The following CACNA2D3 variants were observed in gnomAD, a reference collection of about 807,000 sequenced individuals.
CACNA2D3 encodes the protein calcium voltage-gated channel auxiliary subunit alpha2delta 3, also known as voltage-dependent calcium channel subunit alpha-2/delta-3.
A neutral mutation model predicts 160.6 loss-of-function variants in CACNA2D3; 60 were observed. The ratio of observed to expected loss-of-function variants is 0.37; its 90% confidence interval spans 0.30 to 0.46. The LOEUF is 0.46. Ranked by LOEUF, CACNA2D3 falls within the 20% of genes least tolerant of loss-of-function variation. CACNA2D3 has a pLI of 1.00. For missense variants in CACNA2D3, 1,205 were observed against 1,365.0 expected, an observed-to-expected ratio of 0.88 and a Z score of 1.85; for synonymous variants, 558 against 492.9, an observed-to-expected ratio of 1.13 and a Z score of -1.75.
intron 11 of CACNA2D3, among the ~76,000 whole-genome samples, chr3:54,659,519 G>T (rs988496719): frequency 6.6e-6 from 1 of 152,180 alleles, no homozygotes; most frequent in Non-Finnish European, 1.5e-5. Context: ...ATCTCTGGGG[G>T]TAGACAGAGA....
chr3:55,056,247 A>G, intron 35 of CACNA2D3, among the ~76,000 whole-genome samples: 1 of 152,208 alleles, frequency 6.6e-6, no homozygotes, highest in East Asian at 1.9e-4. Context: ...AATTAAAATG[A>G]CAATGAGATA....
chr3:54,177,412 G>A (rs2107318846), intron 2 of CACNA2D3, among the ~76,000 whole-genome samples: 1 of 152,296 alleles, frequency 6.6e-6, no homozygotes, highest in South Asian at 2.1e-4. Context: ...GAAATGGTAG[G>A]TAGAACAGTC....
intron 16 of CACNA2D3, among the ~76,000 whole-genome samples, chr3:54,841,751 C>G (rs1575506159): frequency 1.3e-5 from 2 of 152,208 alleles, no homozygotes; most frequent in Non-Finnish European, 2.9e-5. Context: ...CAATAATTTC[C>G]AGACACCACG....
intron 5 of CACNA2D3, among the ~76,000 whole-genome samples, chr3:54,542,258 T>C (rs578006668): frequency 9.1e-4 from 138 of 152,160 alleles, no homozygotes; most frequent in Non-Finnish European, 1.5e-3. Flanking sequence ...GATGGGGTTT[T>C]ACCATGTTGG....
intron 27 of CACNA2D3, among the ~76,000 whole-genome samples, chr3:54,900,257 A>G (rs1447032597): frequency 6.6e-6 from 1 of 152,188 alleles, no homozygotes; most frequent in Non-Finnish European, 1.5e-5. Flanking sequence ...GCAAACACAA[A>G]CTGAAATGTG....
chr3:54,230,461 G>A (rs188054861), intron 2 of CACNA2D3, among the ~76,000 whole-genome samples: 1 of 152,230 alleles, frequency 6.6e-6, no homozygotes, highest in African/African-American at 2.4e-5. Context: ...TTCTGAAAAG[G>A]CATAATAATT....
At chr3:54,606,431 A>T (rs1698626780) in intron 9 of CACNA2D3, among the ~76,000 whole-genome samples, 1 of 152,034 alleles carries the variant, frequency 6.6e-6, no homozygotes, top group Non-Finnish European at 1.5e-5. Flanking sequence ...ATGGTGGCTC[A>T]CCCCAGGGTG....
At chr3:54,514,324 A>G (rs1701508959) in intron 5 of CACNA2D3, among the ~76,000 whole-genome samples, 1 of 152,188 alleles carries the variant, frequency 6.6e-6, no homozygotes, top group Non-Finnish European at 1.5e-5. Context: ...TCAGAATGCA[A>G]AAAGGCTCTT....
chr3:54,304,596 G>A (rs72986095), intron 2 of CACNA2D3, among the ~76,000 whole-genome samples: 5,706 of 152,152 alleles, frequency 0.038, 373 homozygotes, highest in African/African-American at 0.13. Flanking sequence ...CCTTCTATTT[G>A]ATTACATCTA....
chr3:54,317,122 C>T (rs1228051495), intron 2 of CACNA2D3, among the ~76,000 whole-genome samples: 3 of 152,278 alleles, frequency 2.0e-5, no homozygotes, highest in South Asian at 4.1e-4. Context: ...GCACATCTGG[C>T]AGGCAGCAAA....
chr3:54,840,311 C>T (rs116006352), intron 16 of CACNA2D3, among the ~76,000 whole-genome samples: 2,949 of 151,716 alleles, frequency 0.019, 36 homozygotes, highest in Middle Eastern at 0.048. Flanking sequence ...GTAAACATTA[C>T]GGTCACCCCC....
At chr3:54,871,805 C>T (rs1355379048) in intron 18 of CACNA2D3, among the ~76,000 whole-genome samples, 183 bp downstream of exon 18, 2 of 152,152 alleles carry the variant, frequency 1.3e-5, no homozygotes, top group African/African-American at 2.4e-5. Context: ...GCCGGTCAGT[C>T]GGACCAGTTG....
chr3:54,249,661 GTA>G (rs1491212076), intron 2 of CACNA2D3, among the ~76,000 whole-genome samples: 1 of 79,974 alleles, frequency 1.3e-5, no homozygotes, highest in African/African-American at 7.9e-5. Flanking sequence ...CTCTGTTTAC[GTA>G]CACACACACA....
At chr3:54,661,837 GATGTGTGT>G (rs568603141) in intron 11 of CACNA2D3, among the ~76,000 whole-genome samples, 1,544 of 34,768 alleles carry the variant, frequency 0.044, 48 homozygotes, top group African/African-American at 0.11. Flanking sequence ...ACATCTCAGG[GATGTGTGT>G]ATGTGTGTGT....
intron 3 of CACNA2D3, among the ~76,000 whole-genome samples, chr3:54,347,721 C>T (rs1296197427): frequency 6.6e-6 from 1 of 151,868 alleles, no homozygotes; most frequent in African/African-American, 2.4e-5. Context: ...GGTCCAATTG[C>T]CAGGGACCCC....
intron 2 of CACNA2D3, among the ~76,000 whole-genome samples, chr3:54,216,571 C>T (rs1279545237): frequency 2.0e-5 from 3 of 152,192 alleles, no homozygotes; most frequent in African/African-American, 7.2e-5. Context: ...ACATTTTAAA[C>T]TAATTAGATG....
chr3:54,954,149 G>C (rs980003307), intron 27 of CACNA2D3, among the ~76,000 whole-genome samples: 2 of 152,172 alleles, frequency 1.3e-5, no homozygotes, highest in African/African-American at 4.8e-5. Context: ...TCATCATGCA[G>C]GCATTTCCTG....
chr3:54,734,980 G>A (rs1367980009), intron 11 of CACNA2D3, among the ~76,000 whole-genome samples: 1 of 152,224 alleles, frequency 6.6e-6, no homozygotes, highest in Non-Finnish European at 1.5e-5. Context: ...TGCAAGGTTT[G>A]AGTGTAACCA....
chr3:54,442,730 A>G (rs1346136742), intron 4 of CACNA2D3, among the ~76,000 whole-genome samples: 2 of 152,108 alleles, frequency 1.3e-5, no homozygotes, highest in African/African-American at 4.8e-5. Context: ...GCCTTTACTC[A>G]TCCATTAATC....
Sources: allele counts gnomAD v4.1 joint callset (sites outside exome capture counted in the v4.1 genomes callset), GRCh38; gene constraint gnomAD v4.1.1; transcripts MANE v1.5; gene names NCBI Gene and HGNC (gene_info 2026-07-23, HGNC 2026-07-21).